THSD7B: variants seen among roughly 807,000 people sequenced by gnomAD.
THSD7B encodes thrombospondin type 1 domain containing 7B, also known as thrombospondin type-1 domain-containing protein 7B.
Under a neutral mutation model 213.6 loss-of-function variants are expected in THSD7B, and 138 were observed. The ratio of observed to expected loss-of-function variants is 0.65; its 90% CI spans 0.56 to 0.74. The LOEUF is 0.74. THSD7B is among the 30% of genes least tolerant of loss of function. THSD7B has a pLI of 0.00. For missense variants in THSD7B, 1,931 were observed against 1,991.5 expected, an observed-to-expected ratio of 0.97 and a Z score of 0.58; for synonymous variants, 742 against 687.0, an observed-to-expected ratio of 1.08 and a Z score of -1.25.
chr2:136,947,601 C>T (rs183833079), intron 2 of THSD7B, among the ~76,000 whole-genome samples: 1 of 152,182 alleles, frequency 6.6e-6, no homozygotes, highest in African/African-American at 2.4e-5. Flanking sequence ...GTTTATCTCT[C>T]TCTTCCTCTG....
intron 4 of THSD7B, among the ~76,000 whole-genome samples, chr2:137,100,363 T>G (rs1688126290): frequency 6.6e-6 from 1 of 152,048 alleles, no homozygotes; most frequent in Non-Finnish European, 1.5e-5. Flanking sequence ...TTATTTGTCT[T>G]AAGAATCTTG....
intron 27 of THSD7B, 21 bp downstream of exon 27, chr2:137,667,882 AG>A (rs1325825583): frequency 6.5e-7 from 1 of 1,537,922 alleles, no homozygotes; most frequent in Non-Finnish European, 8.8e-7. Context: ...ATTAGTAAAA[AG>A]TTTATGTTCC....
chr2:137,143,627 A>G (rs935795986), intron 5 of THSD7B, among the ~76,000 whole-genome samples: 6 of 152,144 alleles, frequency 3.9e-5, no homozygotes, highest in African/African-American at 1.4e-4. Flanking sequence ...TAATGTGGGC[A>G]CTTTCACACT....
chr2:137,195,540 A>G (rs1209351144), intron 7 of THSD7B, among the ~76,000 whole-genome samples: 1 of 152,166 alleles, frequency 6.6e-6, no homozygotes, highest in Non-Finnish European at 1.5e-5. Flanking sequence ...ATGCAGGTCC[A>G]CTTTGAAGGG....
intron 12 of THSD7B, among the ~76,000 whole-genome samples, chr2:137,393,668 A>G (rs1322887962): frequency 7.0e-6 from 1 of 142,408 alleles, no homozygotes; most frequent in African/African-American, 2.6e-5. Context: ...TCCTTTGGGT[A>G]TATACCCAGT....
At chr2:136,803,515 T>G (rs1252851249) in intron 1 of THSD7B, among the ~76,000 whole-genome samples, 1 of 152,190 alleles carries the variant, frequency 6.6e-6, no homozygotes, top group Non-Finnish European at 1.5e-5. Context: ...GTGGCTGTTT[T>G]GTAGAATATG....
intron 2 of THSD7B, among the ~76,000 whole-genome samples, chr2:136,971,897 A>G (rs768496264): frequency 8.5e-5 from 13 of 152,134 alleles, no homozygotes; most frequent in Non-Finnish European, 1.8e-4. Context: ...ATGAATGTTA[A>G]TTCTTCTCTC....
intron 12 of THSD7B, among the ~76,000 whole-genome samples, chr2:137,375,748 AAAG>A (rs2104956646): frequency 6.6e-6 from 1 of 152,324 alleles, no homozygotes; most frequent in East Asian, 1.9e-4. Context: ...CAGAGAAACC[AAAG>A]AAGATATGGA....
rs1229022249 is a variant in THSD7B at position 137,583,398 on chromosome 2, C to T, written c.3423+10842C>T. Among the ~76,000 whole-genome samples, 4 of 152,306 alleles carry T rather than the reference C, an allele frequency of 2.6e-5. No homozygotes were observed. In the South Asian group the frequency reaches 8.3e-4, roughly 32 times the overall value. ...TTGCCGTTGTTTTTGGTGTTTTAGA[C>T]ACGAAGTCCTTGCCCATGCCTATGT... On this transcript the variant is annotated intron_variant, in intron 17 of 27. Transcript: ENST00000409968.
chr2:137,409,231 A>G (rs1474908499), intron 13 of THSD7B, among the ~76,000 whole-genome samples: 1 of 152,182 alleles, frequency 6.6e-6, no homozygotes, highest in Non-Finnish European at 1.5e-5. Context: ...GTGAGGTATG[A>G]TGGCATCAAG....
At chr2:137,280,373 C>T (rs1351508379) in intron 12 of THSD7B, among the ~76,000 whole-genome samples, 2 of 152,064 alleles carry the variant, frequency 1.3e-5, no homozygotes, top group Non-Finnish European at 2.9e-5. Context: ...TTGTCATATG[C>T]TTTAGTCTTT....
At chr2:137,309,786 T>C (rs535049589) in intron 12 of THSD7B, among the ~76,000 whole-genome samples, 1 of 152,264 alleles carries the variant, frequency 6.6e-6, no homozygotes, top group South Asian at 2.1e-4. Flanking sequence ...GATAGTTTAC[T>C]GAGAATGATG....
chr2:137,445,309 G>A (rs1250684810), intron 14 of THSD7B, among the ~76,000 whole-genome samples: 1 of 151,978 alleles, frequency 6.6e-6, no homozygotes, highest in East Asian at 1.9e-4. Context: ...GCACTGCAAT[G>A]TTTATTGCAG....
rs1479744535 is a variant in THSD7B at position 137,005,390 on chromosome 2, GC to G, written c.140-51029del. Among the ~76,000 whole-genome samples, 7 of 152,258 alleles carry G rather than the reference GC, an allele frequency of 4.6e-5. No individual in the cohort carries two copies. In the East Asian group the frequency reaches 1.4e-3, roughly 29 times the overall value. ...TCATCTGCTATCTTTTCTCCCCAGG[GC>G]AATGGCTCTGCATTGCCATCAGTGA... On this transcript the variant is annotated intron_variant, in intron 2 of 27. Transcript: ENST00000409968.
chr2:136,813,552 G>A (rs1236110653), intron 1 of THSD7B, among the ~76,000 whole-genome samples: 1 of 152,090 alleles, frequency 6.6e-6, no homozygotes, highest in Non-Finnish European at 1.5e-5. Flanking sequence ...CTAATTTGAA[G>A]TTTGAACTCA....
chr2:136,972,789 T>C (rs1186567009), intron 2 of THSD7B, among the ~76,000 whole-genome samples: 4 of 152,142 alleles, frequency 2.6e-5, no homozygotes, highest in African/African-American at 9.7e-5. Context: ...GGAGAGATGT[T>C]GTAAAATCTC....
At chr2:136,956,470 T>A (rs921884932) in intron 2 of THSD7B, among the ~76,000 whole-genome samples, 2 of 141,134 alleles carry the variant, frequency 1.4e-5, no homozygotes, top group Non-Finnish European at 3.0e-5. Context: ...CCATCGTTAG[T>A]GTCCCTTAAG....
chr2:137,252,140 G>A (rs1187633652), intron 10 of THSD7B, among the ~76,000 whole-genome samples: 1 of 151,780 alleles, frequency 6.6e-6, no homozygotes, highest in African/African-American at 2.4e-5. Flanking sequence ...GGTAGCACAT[G>A]CCTGTAATCC....
chr2:137,067,436 C>T (rs116830006), intron 3 of THSD7B, among the ~76,000 whole-genome samples: 4,062 of 151,936 alleles, frequency 0.027, 198 homozygotes, highest in African/African-American at 0.092. Context: ...TTTTTCTTTT[C>T]TGTTGTCTTT....
Sources: gnomAD v4.1 joint callset for allele counts (sites outside exome capture counted in the v4.1 genomes callset) on GRCh38, gnomAD v4.1.1 for gene constraint, MANE v1.5 for transcripts, NCBI Gene and HGNC (gene_info 2026-07-23, HGNC 2026-07-21) for gene names.